SLCO1B1: variants seen among roughly 807,000 people sequenced by gnomAD.
SLCO1B1 encodes solute carrier organic anion transporter family member 1B1.
Under a neutral mutation model 70.1 loss-of-function variants are expected in SLCO1B1, and 81 were observed. The ratio of observed to expected loss-of-function variants is 1.16; its 90% CI spans 0.97 to 1.39. The LOEUF is 1.39. Among genes scored for constraint, SLCO1B1 ranks in the 40% most tolerant of loss-of-function variants. The pLI, the probability that SLCO1B1 is intolerant of heterozygous loss-of-function variation, is 0.00. For missense variants in SLCO1B1, 895 were observed against 799.6 expected (o/e 1.12, Z -1.44); for synonymous variants, 283 against 271.5 (o/e 1.04, Z -0.42).
intron 2 of SLCO1B1, among the ~76,000 whole-genome samples, chr12:21,169,429 C>T (rs1421252239): frequency 6.6e-6 from 1 of 151,942 alleles, no homozygotes; most frequent in Non-Finnish European, 1.5e-5. Context: ...TCTTTTTGCT[C>T]CTGTGACTCT....
chr12:21,228,364 TTAC>T (rs903943994), intron 14 of SLCO1B1, among the ~76,000 whole-genome samples: 73 of 152,332 alleles, frequency 4.8e-4, no homozygotes, highest in African/African-American at 1.8e-3. Flanking sequence ...ATTGAAGATA[TTAC>T]TCTATTGTCT....
In SLCO1B1 at chr12:21,228,738, T is replaced by A. The variant is rs529536189; in HGVS notation, c.1865+3899T>A. On this transcript the variant is annotated intron_variant, in intron 14 of 14. Coordinates refer to ENST00000256958, the MANE Select transcript of SLCO1B1 (RefSeq NM_006446.5). ...AGTGAGAAAAAGCGAAGGAACAGCT[T>A]ATTTCCTGGAGGTCCCAGAAAGGAA... Among the ~76,000 whole-genome samples the A allele has an allele frequency of 1.5e-4, 23 of 152,326 alleles. No homozygotes were observed. In the South Asian group the frequency reaches 4.6e-3, roughly 30 times the overall value.
At chr12:21,202,425 G>A in intron 9 of SLCO1B1, 66 bp from the exon 10 acceptor site, 1 of 1,014,532 alleles carries the variant, frequency 9.9e-7, no homozygotes, top group Non-Finnish European at 1.5e-6. Context: ...CATACATTGT[G>A]TTTCATCTAT....
chr12:21,146,733 T>C (rs1432321269), intron 2 of SLCO1B1, among the ~76,000 whole-genome samples: 1 of 152,188 alleles, frequency 6.6e-6, no homozygotes, highest in Non-Finnish European at 1.5e-5. Context: ...TCCACATATT[T>C]TGGTATTTTT....
intron 14 of SLCO1B1, among the ~76,000 whole-genome samples, chr12:21,234,199 C>G (rs914146018): frequency 2.0e-5 from 3 of 152,032 alleles, no homozygotes; most frequent in African/African-American, 7.2e-5. Flanking sequence ...GGAGTTGATA[C>G]TGTCCTCTCG....
chr12:21,205,837 T>TC, intron 10 of SLCO1B1, 31 bp from the exon 11 acceptor site: 1 of 1,516,948 alleles, frequency 6.6e-7, no homozygotes, highest in Non-Finnish European at 9.1e-7. Flanking sequence ...TCTCTCTCTC[T>TC]TTTTGATATA....
chr12:21,146,899 T>C (rs1940392739), intron 2 of SLCO1B1, among the ~76,000 whole-genome samples: 1 of 152,280 alleles, frequency 6.6e-6, no homozygotes, highest in South Asian at 2.1e-4. Context: ...TATTCTGTTG[T>C]TGTTGGATGA....
intron 4 of SLCO1B1, among the ~76,000 whole-genome samples, chr12:21,175,671 T>C (rs1380169834): frequency 2.0e-5 from 3 of 152,246 alleles, no homozygotes; most frequent in Admixed American, 2.0e-4. Context: ...GGTACTGCTC[T>C]AGCTTGTTTT....
At chr12:21,209,294 T>C (rs1194425494) in intron 11 of SLCO1B1, among the ~76,000 whole-genome samples, 1 of 150,644 alleles carries the variant, frequency 6.6e-6, no homozygotes, top group African/African-American at 2.4e-5. Flanking sequence ...CACCTATGAG[T>C]GAGAATATGC....
Position 21,222,343 on chromosome 12 carries a change from T to A in SLCO1B1, c.1726T>A (p.Ser576Thr). ...ELKSLALGFH[S>T]MVIRALGGIL... ...GAAATCACTTGCACTGGGTTTCCAC[T>A]CAATGGTTATACGAGCACTAGGTAT... The change falls in exon 13 of 15, where the codon TCA (serine) becomes ACA (threonine). Residue 576 changes from serine to threonine, a missense_variant. Transcript: ENST00000256958. 1 of 722,162 alleles carries A rather than the reference T, an allele frequency of 1.4e-6. No individual in the cohort carries two copies. Among genetic ancestry groups the A allele is most frequent in the Non-Finnish European group, 2.0e-6 (1 of 505,124 alleles). The allele number at this position is 722,162 out of a possible 1,614,324, so 44.7% of individuals were successfully genotyped here.
chr12:21,233,582 AAAC>A (rs200618394), intron 14 of SLCO1B1, among the ~76,000 whole-genome samples: 10,428 of 148,362 alleles, frequency 0.07, 576 homozygotes, highest in East Asian at 0.26. Context: ...AAAAAAAAAA[AAAC>A]AAGAGCCCCA....
At chr12:21,163,374 T>C (rs964089033) in intron 2 of SLCO1B1, among the ~76,000 whole-genome samples, 1 of 152,194 alleles carries the variant, frequency 6.6e-6, no homozygotes, top group Non-Finnish European at 1.5e-5. Context: ...TTAGTATTGA[T>C]TGATTGTCAT....
At chr12:21,228,802 C>T (rs1446487000) in intron 14 of SLCO1B1, among the ~76,000 whole-genome samples, 1 of 152,072 alleles carries the variant, frequency 6.6e-6, no homozygotes, top group Non-Finnish European at 1.5e-5. Flanking sequence ...CCAACTAAGA[C>T]AAGTATTAGG....
chr12:21,179,520 CA>C (rs1400277378), intron 7 of SLCO1B1, among the ~76,000 whole-genome samples: 1 of 152,082 alleles, frequency 6.6e-6, no homozygotes, highest in Non-Finnish European at 1.5e-5. Context: ...ACTTGTTGAA[CA>C]AAGGAATAAA....
chr12:21,137,819 G>A (rs1245901774), intron 1 of SLCO1B1, among the ~76,000 whole-genome samples: 2 of 152,124 alleles, frequency 1.3e-5, no homozygotes, highest in Non-Finnish European at 2.9e-5. Context: ...GCTTTGGCTT[G>A]CGCACGGTGC....
At chr12:21,229,911 T>C (rs1401027839) in intron 14 of SLCO1B1, among the ~76,000 whole-genome samples, 1 of 152,196 alleles carries the variant, frequency 6.6e-6, no homozygotes, top group Admixed American at 6.5e-5. Flanking sequence ...TGAAAAACAG[T>C]GGTGAGAGGG....
At chr12:21,218,475 A>G (rs1941385979) in intron 12 of SLCO1B1, among the ~76,000 whole-genome samples, 2 of 151,616 alleles carry the variant, frequency 1.3e-5, no homozygotes, top group South Asian at 4.2e-4. Context: ...AAAAAAAAGC[A>G]TTTTTAACAT....
At chr12:21,180,687 G>T (rs543938526) in intron 7 of SLCO1B1, among the ~76,000 whole-genome samples, 3 of 152,080 alleles carry the variant, frequency 2.0e-5, no homozygotes, top group Non-Finnish European at 4.4e-5. Context: ...GAAAATACTT[G>T]ATAAAATGTT....
At chr12:21,164,333 A>C (rs1397452802) in intron 2 of SLCO1B1, among the ~76,000 whole-genome samples, 1 of 152,160 alleles carries the variant, frequency 6.6e-6, no homozygotes, top group African/African-American at 2.4e-5. Context: ...TTCAAACCAG[A>C]AACTATAAAA....
Sources: allele counts gnomAD v4.1 joint callset (sites outside exome capture counted in the v4.1 genomes callset), GRCh38; gene constraint gnomAD v4.1.1; transcripts MANE v1.5; gene names NCBI Gene and HGNC (gene_info 2026-07-23, HGNC 2026-07-21).